The following KDM4A variants were observed in gnomAD, a reference collection of about 807,000 sequenced individuals.
The protein encoded by KDM4A is lysine-specific demethylase 4A.
Under a neutral mutation model 127.1 loss-of-function variants are expected in KDM4A, and 23 were observed. The ratio of observed to expected loss-of-function variants is 0.18; its 90% confidence interval spans 0.13 to 0.26. The LOEUF (loss-of-function observed/expected upper bound fraction) is 0.26. KDM4A is among the 10% of genes least tolerant of loss of function. The probability of loss-of-function intolerance (pLI) is 1.00; values close to 1 mark genes in which losing one functional copy is unlikely to be tolerated. For synonymous variants in KDM4A, 443 were observed against 466.5 expected (o/e 0.95, Z 0.65); for missense variants, 890 against 1,329.1 (o/e 0.67, Z 5.14).
Position 43,671,958 on chromosome 1 carries a change from G to A in KDM4A, c.1734+83G>A. ...GGAGGGGATCTGTGTGGGGGAGGGA[G>A]GTGGATCTGTGTGATGGAGGTGCTG... On this transcript the variant is annotated intron_variant, in intron 11 of 21. Coordinates refer to ENST00000372396, the MANE Select transcript of KDM4A (RefSeq NM_014663.3). 6 of 1,446,480 alleles carry A rather than the reference G, an allele frequency of 4.1e-6. No individual in the cohort carries two copies. The South Asian group carries it at 9.3e-5, about 22-fold the overall frequency. The allele number at this position is 1,446,480 out of a possible 1,614,324, so 89.6% of individuals were successfully genotyped here.
At chr1:43,659,039 A>G (rs1011410793) in intron 3 of KDM4A, among the ~76,000 whole-genome samples, 3 of 151,984 alleles carry the variant, frequency 2.0e-5, no homozygotes, top group Non-Finnish European at 4.4e-5. Flanking sequence ...GCTAACTTCT[A>G]TAATCCCATC....
rs749340762 is a variant in KDM4A at position 43,683,715 on chromosome 1, A to G, written c.1766A>G (p.Glu589Gly). The change falls in exon 12 of 22, where the codon GAG becomes GGG. Residue 589 changes from glutamate (E) to glycine (G), a missense_variant. By Grantham distance (98) the Glu-to-Gly change is moderately conservative. This residue lies in a region of KDM4A where 389 missense variants were observed against 485.9 expected (regional missense o/e 0.80). Transcript: ENST00000372396. The stretch of plus-strand genomic sequence containing the variant: ...GATGAATACATGTTTTCCCTAGAAG[A>G]GAATAAGAAGTCCAAGGGACGCCGT... ...VADEYMFSLE[E>G]NKKSKGRRQP... 2.5e-5 allele frequency: 41 copies of G among 1,613,876 alleles called. No homozygotes were observed. In the Admixed American group the frequency reaches 6.8e-4, roughly 27 times the overall value.
intron 11 of KDM4A, among the ~76,000 whole-genome samples, chr1:43,682,992 T>C (rs1366168353): frequency 6.6e-6 from 1 of 152,252 alleles, no homozygotes; most frequent in Non-Finnish European, 1.5e-5. Context: ...ATCCTGTACA[T>C]TTAAATCTAA....
chr1:43,650,346 T>G (rs1557899994), intron 1 of KDM4A, 94 bp downstream of exon 1: 2 of 152,854 alleles, frequency 1.3e-5, no homozygotes, highest in Admixed American at 1.3e-4. Context: ...GGGGTGGGTC[T>G]TCCAGCGGTG....
At chr1:43,677,825 CAT>C (rs530658768) in intron 11 of KDM4A, among the ~76,000 whole-genome samples, 39 of 152,280 alleles carry the variant, frequency 2.6e-4, no homozygotes, top group East Asian at 1.4e-3. Context: ...TTATGATTAA[CAT>C]GTGATTTTTA....
rs1660567112 is a variant in KDM4A at position 43,669,289 on chromosome 1, T to C, written c.1353T>C (p.Leu451=). The C allele has an allele frequency of 6.2e-7, 1 of 1,614,056 alleles. No homozygotes were observed. Among genetic ancestry groups the C allele is most frequent in the Non-Finnish European group, 8.5e-7 (1 of 1,180,018 alleles). The stretch of plus-strand genomic sequence containing the variant: ...CTGTGCGGCAAGTTGAGGATGGTCT[T>C]ACCTTCCCAGGTTAGTTGACTATGG... The part of the protein sequence containing the change: ...HSSVRQVEDG[L]TFPDYSDSTE... Residue 451 remains leucine, a synonymous_variant, in exon 10 of 22, where the codon CTT becomes CTC. Coordinates refer to ENST00000372396, the MANE Select transcript of KDM4A (RefSeq NM_014663.3).
chr1:43,671,634 G>A lies in KDM4A; in HGVS notation c.1493G>A (p.Arg498His), dbSNP rs369667794. 53 of 1,613,442 alleles carry A rather than the reference G, an allele frequency of 3.3e-5. No homozygotes were observed. Among genetic ancestry groups the A allele is most frequent in the South Asian group, 1.6e-4 (15 of 90,952 alleles). The change falls in exon 11 of 22, where the codon CGC (arginine) becomes CAC (histidine). Residue 498 changes from arginine to histidine, a missense_variant. Physicochemically the swap from Arg to His is conservative, Grantham distance 29 (BLOSUM62 0). Coordinates refer to ENST00000372396, the MANE Select transcript of KDM4A (RefSeq NM_014663.3). Reference sequence around the variant, plus strand: ...GTGAATCCTGCGTCTGTAGGGGGACGCCTTGTCTTCTCAGGCTCCAAAAAG... The same window carrying A: ...GTGAATCCTGCGTCTGTAGGGGGACACCTTGTCTTCTCAGGCTCCAAAAAG... ...LSVNPASVGG[R>H]LVFSGSKKKS...
intron 13 of KDM4A, among the ~76,000 whole-genome samples, chr1:43,689,814 G>A (rs1183014994): frequency 6.6e-6 from 1 of 152,236 alleles, no homozygotes; most frequent in Non-Finnish European, 1.5e-5. Context: ...CGCTGAGCCT[G>A]GCAGGGCCCC....
Position 43,694,878 on chromosome 1 carries a change from A to G in KDM4A, c.2654A>G (p.Lys885Arg). The change falls in exon 18 of 22, where the codon AAG (lysine) becomes AGG (arginine). Residue 885 changes from lysine to arginine, a missense_variant. Lys to Arg is a conservative substitution (Grantham distance 26). Coordinates refer to ENST00000372396, the MANE Select transcript of KDM4A (RefSeq NM_014663.3). This position sits in a 1 kb window ranked among gnomAD's most constrained non-coding sequence, Gnocchi z 5.2. ...FVVFITCFRHKIPNLERAKGA... is the reference protein window; with the variant it reads ...FVVFITCFRHRIPNLERAKGA... ...GTCTTCATTACCTGCTTTCGGCACA[A>G]GATTCCTAATTTGGAGGTGAGAGAG... is the stretch of plus-strand genomic sequence containing the variant. 4 of 1,595,568 alleles carry G rather than the reference A, an allele frequency of 2.5e-6. No individual in the cohort carries two copies. Among genetic ancestry groups the G allele is most frequent in the Non-Finnish European group, 3.4e-6 (4 of 1,164,208 alleles).
At chr1:43,655,554 T>A (rs757055325) in intron 2 of KDM4A, 37 bp from the exon 3 acceptor site, 17 of 1,557,268 alleles carry the variant, frequency 1.1e-5, no homozygotes, top group Non-Finnish European at 8.7e-7. Flanking sequence ...CTTGCCAGGT[T>A]TCTCATCTGT....
intron 19 of KDM4A, chr1:43,701,997 T>C (rs1661408919): frequency 6.6e-6 from 1 of 152,242 alleles, no homozygotes; most frequent in Non-Finnish European, 1.5e-5. Context: ...GAGTTTTTGC[T>C]CTTTTCTCCT....
chr1:43,692,133 C>A, intron 15 of KDM4A, 123 bp from the exon 16 acceptor site: 1 of 879,736 alleles, frequency 1.1e-6, no homozygotes, highest in Non-Finnish European at 1.9e-6. Context: ...TGGGTGAAGC[C>A]CCACATGCTA....
At chr1:43,662,226 A>ATT (rs796725388) in intron 4 of KDM4A, among the ~76,000 whole-genome samples, 3 of 143,984 alleles carry the variant, frequency 2.1e-5, no homozygotes, top group African/African-American at 7.7e-5. Context: ...ATGTTTTGCG[A>ATT]TTTTTTTTTT....
In KDM4A at chr1:43,701,282, A is replaced by C. The variant is rs913494053; in HGVS notation, c.2842-2335A>C. Among the ~76,000 whole-genome samples, 5 of 152,308 alleles carry C rather than the reference A, an allele frequency of 3.3e-5. No homozygotes were observed. In the South Asian group the frequency reaches 6.2e-4, roughly 19 times the overall value. ...TAATCAAAAAACTTGGAATTTTGGG[A>C]AGTTTCAAGCTCACAGTTGTGAATG... On this transcript the variant is annotated intron_variant, in intron 19 of 21. Coordinates refer to ENST00000372396, the MANE Select transcript of KDM4A (RefSeq NM_014663.3).
chr1:43,691,389 T>C (rs1661106686), intron 14 of KDM4A, 107 bp from the exon 15 acceptor site: 30 of 941,286 alleles, frequency 3.2e-5, no homozygotes, highest in Non-Finnish European at 5.0e-5. Flanking sequence ...GGGGTTTCTG[T>C]GAGATTTGGT....
chr1:43,661,163 C>T (rs530038930), intron 4 of KDM4A, among the ~76,000 whole-genome samples: 55 of 151,918 alleles, frequency 3.6e-4, no homozygotes, highest in African/African-American at 1.3e-3. Context: ...TTAGTAGAGA[C>T]GGGGTTTCTC....
chr1:43,665,575 C>G lies in KDM4A; in HGVS notation c.624-121C>G, dbSNP rs1026511714. 3.8e-6 allele frequency: 3 copies of G among 791,610 alleles called. No homozygotes were observed. The Admixed American group carries it at 6.2e-5, about 16-fold the overall frequency. The allele number at this position is 791,610 out of a possible 1,614,324, so 49.0% of individuals were successfully genotyped here. On this transcript the variant is annotated intron_variant, in intron 5 of 21. Transcript: ENST00000372396. Reference sequence around the variant, plus strand: ...ATATTTCATTTTTTCAGATTCCTTTCTACTGCTTGGGAAGTTAAAAAAAAA... The same window carrying G: ...ATATTTCATTTTTTCAGATTCCTTTGTACTGCTTGGGAAGTTAAAAAAAAA...
At position 43,704,490 on chromosome 1, in the gene KDM4A, A is replaced by C. The variant is rs770091594; in HGVS notation, c.*120A>C. The C allele has an allele frequency of 9.0e-7, 1 of 1,105,092 alleles. No individual in the cohort carries two copies. Among genetic ancestry groups the C allele is most frequent in the Non-Finnish European group, 1.3e-6 (1 of 764,662 alleles). The allele number at this position is 1,105,092 out of a possible 1,614,324, so 68.5% of individuals were successfully genotyped here. On this transcript the variant is annotated 3_prime_UTR_variant, in exon 22 of 22. Transcript: ENST00000372396. ...TGAAGTTGTAAAAAGAAAAGGAATG[A>C]AATAACCGACCCATCATCTTCTCAC...
At chr1:43,679,495 C>A (rs562951237) in intron 11 of KDM4A, among the ~76,000 whole-genome samples, 5 of 152,116 alleles carry the variant, frequency 3.3e-5, no homozygotes, top group Non-Finnish European at 7.4e-5. Flanking sequence ...AACTGGGTTC[C>A]TTAGAGCACC....
Sources: allele counts gnomAD v4.1 joint callset (sites outside exome capture counted in the v4.1 genomes callset), GRCh38; gene constraint gnomAD v4.1.1; regional missense constraint gnomAD v4.1.1; non-coding constraint Gnocchi (gnomAD v3.1); transcripts MANE v1.5; gene names NCBI Gene and HGNC (gene_info 2026-07-23, HGNC 2026-07-21).